The following SRRM4 variants were observed in gnomAD, a reference collection of about 807,000 sequenced individuals.
SRRM4 encodes serine/arginine repetitive matrix protein 4.
In SRRM4, 33 loss-of-function variants were observed where a neutral mutation model predicts 68.9. The ratio of observed to expected loss-of-function variants is 0.48; its 90% CI spans 0.36 to 0.64. The LOEUF is 0.64. Ranked by LOEUF, SRRM4 falls within the 30% of genes least tolerant of loss-of-function variation. The pLI, the probability that SRRM4 is intolerant of heterozygous loss-of-function variation, is 0.00. For synonymous variants in SRRM4, 318 were observed against 318.8 expected, an observed-to-expected ratio of 1.00 and a Z score of 0.03; for missense variants, 817 against 827.1, an observed-to-expected ratio of 0.99 and a Z score of 0.15.
At chr12:118,994,538 T>C (rs1953337462) in intron 1 of SRRM4, among the ~76,000 whole-genome samples, 1 of 152,080 alleles carries the variant, frequency 6.6e-6, no homozygotes, top group South Asian at 2.1e-4. Flanking sequence ...ACCCCTCCAA[T>C]CCTCCAACCT....
intron 1 of SRRM4, among the ~76,000 whole-genome samples, chr12:119,018,055 T>C (rs981614020): frequency 3.9e-5 from 6 of 152,048 alleles, no homozygotes; most frequent in African/African-American, 1.4e-4. Context: ...TGACACAGAG[T>C]TGTTGTCAAG....
chr12:119,085,034 G>A (rs544820102), intron 1 of SRRM4, among the ~76,000 whole-genome samples: 69 of 152,234 alleles, frequency 4.5e-4, no homozygotes, highest in Non-Finnish European at 9.0e-4. Flanking sequence ...CCGAGTAGCC[G>A]GGATTACAGC....
intron 1 of SRRM4, among the ~76,000 whole-genome samples, chr12:118,999,539 T>C (rs1953370257): frequency 6.6e-6 from 1 of 152,208 alleles, no homozygotes; most frequent in Non-Finnish European, 1.5e-5. Context: ...GAAATCACTG[T>C]GAGATTGGAA....
In SRRM4 at chr12:119,120,267, G is replaced by A. The variant is rs1954211074; in HGVS notation, c.455G>A (p.Arg152Lys). Residue 152 changes from arginine to lysine, a missense_variant, in exon 5 of 13, where the codon AGA becomes AAA. By Grantham distance (26) the Arg-to-Lys change is conservative. Transcript: ENST00000267260. Reference sequence around the variant, plus strand: ...CTTTTCAGGTCATTCTCCAAGAAGAGAAGGCACAGGTAAGACTCTTGTTCT... The same window carrying A: ...CTTTTCAGGTCATTCTCCAAGAAGAAAAGGCACAGGTAAGACTCTTGTTCT... The part of the protein sequence containing the change: ...HKRRRSFSKK[R>K]RHSSSSPKSK... 1 of 1,549,484 alleles carries A rather than the reference G, an allele frequency of 6.5e-7. No homozygotes were observed. Among genetic ancestry groups the A allele is most frequent in the Non-Finnish European group, 8.7e-7 (1 of 1,146,336 alleles).
intron 1 of SRRM4, among the ~76,000 whole-genome samples, chr12:119,056,418 C>T (rs963972135): frequency 2.0e-5 from 3 of 152,182 alleles, no homozygotes; most frequent in Non-Finnish European, 2.9e-5. Flanking sequence ...ACAGGTCCAT[C>T]GTGATGGTCT....
At chr12:119,082,824 A>G (rs773252455) in intron 1 of SRRM4, among the ~76,000 whole-genome samples, 6 of 152,224 alleles carry the variant, frequency 3.9e-5, no homozygotes, top group Non-Finnish European at 4.4e-5. Context: ...CTCACTGGCT[A>G]TATGACCCAG....
chr12:119,019,047 G>A (rs1341200652), intron 1 of SRRM4, among the ~76,000 whole-genome samples: 1 of 152,164 alleles, frequency 6.6e-6, no homozygotes, highest in Non-Finnish European at 1.5e-5. Flanking sequence ...GCTCCAGAAT[G>A]ACAGGTATGG....
intron 1 of SRRM4, among the ~76,000 whole-genome samples, chr12:119,097,614 A>C (rs1405359029): frequency 3.3e-5 from 5 of 152,206 alleles, no homozygotes; most frequent in Admixed American, 6.5e-5. Flanking sequence ...AAAAAGAAAA[A>C]TCTACCACAT....
chr12:119,105,052 G>A (rs1592899510), intron 2 of SRRM4, among the ~76,000 whole-genome samples: 2 of 140,884 alleles, frequency 1.4e-5, no homozygotes, highest in East Asian at 4.2e-4. Flanking sequence ...TCCCACCTAT[G>A]AGTGAGAACA....
chr12:119,028,469 C>T (rs1033007220), intron 1 of SRRM4, among the ~76,000 whole-genome samples: 11 of 152,212 alleles, frequency 7.2e-5, no homozygotes, highest in Non-Finnish European at 1.6e-4. Flanking sequence ...CACAAGTTCT[C>T]TTCTCTTGTC....
chr12:119,001,135 A>G (rs1404660898), intron 1 of SRRM4: 1 of 152,146 alleles, frequency 6.6e-6, no homozygotes, highest in Admixed American at 6.5e-5. Context: ...AGTCCTTCCT[A>G]TGTTGGTTGA....
At position 119,112,053 on chromosome 12, in the gene SRRM4, AG is replaced by A. The variant is rs772347143; in HGVS notation, c.279-2224del. Among the ~76,000 whole-genome samples, 1,059 of 151,494 alleles carry A rather than the reference AG, an allele frequency of 7.0e-3. 20 individuals are homozygous for A. The highest frequency in any genetic ancestry group is 0.024 in the African/African-American group (982 of 41,194). ...AGAGTGAAACTGCGTCTCAAAAAAA[AG>A]AAAAAAAAAAAGAATTTGGAAGTAG... On this transcript the variant is annotated intron_variant, in intron 2 of 12. Coordinates refer to ENST00000267260, the MANE Select transcript of SRRM4 (RefSeq NM_194286.4).
chr12:119,018,262 T>C (rs1275181522), intron 1 of SRRM4, among the ~76,000 whole-genome samples: 2 of 152,158 alleles, frequency 1.3e-5, no homozygotes, highest in African/African-American at 4.8e-5. Flanking sequence ...GAGTAGGTGA[T>C]TGGTGGAAGA....
intron 1 of SRRM4, among the ~76,000 whole-genome samples, chr12:119,061,385 T>C (rs964496547): frequency 6.6e-6 from 1 of 152,196 alleles, no homozygotes; most frequent in South Asian, 2.1e-4. Flanking sequence ...TCATGTTTCC[T>C]AGAGCCTGAC....
At chr12:118,986,912 GT>G (rs891861820) in intron 1 of SRRM4, among the ~76,000 whole-genome samples, 3 of 151,744 alleles carry the variant, frequency 2.0e-5, no homozygotes, top group African/African-American at 4.8e-5. Flanking sequence ...AAAAAAATCT[GT>G]TTTTTTTATT....
At chr12:118,986,313 A>C (rs1279504651) in intron 1 of SRRM4, among the ~76,000 whole-genome samples, 1 of 152,170 alleles carries the variant, frequency 6.6e-6, no homozygotes, top group African/African-American at 2.4e-5. Flanking sequence ...GTTTTTCTCT[A>C]GGAAGGGAGC....
intron 1 of SRRM4, among the ~76,000 whole-genome samples, chr12:118,994,784 C>A (rs1953338691): frequency 6.6e-6 from 1 of 152,184 alleles, no homozygotes; most frequent in South Asian, 2.1e-4. Context: ...TTGCTGATTC[C>A]TGGTATGACT....
intron 1 of SRRM4, among the ~76,000 whole-genome samples, chr12:119,097,377 G>T (rs1253982467): frequency 6.6e-6 from 1 of 152,188 alleles, no homozygotes; most frequent in African/African-American, 2.4e-5. Flanking sequence ...CCGATCTGTG[G>T]TTCCCACATG....
At chr12:119,023,014 C>G (rs142491486) in intron 1 of SRRM4, among the ~76,000 whole-genome samples, 5 of 152,090 alleles carry the variant, frequency 3.3e-5, no homozygotes, top group African/African-American at 1.2e-4. Flanking sequence ...TCTCTTGAAG[C>G]CCCCCAGAAT....
Sources: allele counts gnomAD v4.1 joint callset (sites outside exome capture counted in the v4.1 genomes callset), GRCh38; gene constraint gnomAD v4.1.1; transcripts MANE v1.5; gene names NCBI Gene and HGNC (gene_info 2026-07-23, HGNC 2026-07-21).